Variants in SPOCK3 observed in about 807,000 individuals in gnomAD.
SPOCK3 encodes SPARC (osteonectin), cwcv and kazal like domains proteoglycan 3, also known as testican-3.
In SPOCK3, 30 loss-of-function variants were observed where a neutral mutation model predicts 56.6. The ratio of observed to expected loss-of-function variants is 0.53; its 90% CI spans 0.40 to 0.72. The LOEUF is 0.72. Ranked by LOEUF, SPOCK3 falls within the 30% of genes least tolerant of loss-of-function variation. SPOCK3 has a pLI of 0.00. For synonymous variants in SPOCK3, 196 were observed against 183.3 expected (o/e 1.07, Z -0.56); for missense variants, 527 against 530.0 (o/e 0.99, Z 0.06).
intron 4 of SPOCK3, among the ~76,000 whole-genome samples, chr4:166,965,439 T>C (rs1303982511): frequency 1.2e-4 from 18 of 151,856 alleles, no homozygotes; most frequent in Admixed American, 9.8e-4. Flanking sequence ...TTCTTCAATT[T>C]TGAAAGTTAA....
At chr4:166,835,843 T>TA (rs933235914) in intron 6 of SPOCK3, among the ~76,000 whole-genome samples, 8 of 151,966 alleles carry the variant, frequency 5.3e-5, no homozygotes, top group Non-Finnish European at 8.8e-5. Flanking sequence ...CCACTAAAAA[T>TA]AAAAAAATTA....
chr4:167,016,372 C>T (rs1750614302), intron 3 of SPOCK3, among the ~76,000 whole-genome samples: 1 of 151,968 alleles, frequency 6.6e-6, no homozygotes, highest in South Asian at 2.1e-4. Flanking sequence ...GGATAAAATG[C>T]TGCTATATAT....
At chr4:167,123,028 C>A (rs980150982) in intron 2 of SPOCK3, among the ~76,000 whole-genome samples, 17 of 151,324 alleles carry the variant, frequency 1.1e-4, no homozygotes, top group South Asian at 4.2e-4. Context: ...ACGTCATGTC[C>A]TCAGTAACAC....
At chr4:167,123,413 A>G (rs1285292534) in intron 2 of SPOCK3, among the ~76,000 whole-genome samples, 1 of 152,204 alleles carries the variant, frequency 6.6e-6, no homozygotes, top group Admixed American at 6.5e-5. Flanking sequence ...TGGGCTGTCC[A>G]GACTAGGCAC....
chr4:167,183,904 T>C (rs879473586), intron 2 of SPOCK3, among the ~76,000 whole-genome samples: 3 of 152,144 alleles, frequency 2.0e-5, no homozygotes, highest in Non-Finnish European at 4.4e-5. Flanking sequence ...ACATAGAAAC[T>C]TTTATTAGAG....
At chr4:167,065,062 T>TAAAAAAAAAAAAAAAAAAAAAA (rs74281519) in intron 2 of SPOCK3, among the ~76,000 whole-genome samples, 4 of 56,868 alleles carry the variant, frequency 7.0e-5, no homozygotes, top group Non-Finnish European at 1.0e-4. Context: ...AAAAAAAAAG[T>TAAAAAAAAAAAAAAAAAAAAAA]CAAACGCAGC....
intron 2 of SPOCK3, among the ~76,000 whole-genome samples, chr4:167,099,219 T>C (rs192035305): frequency 6.6e-6 from 1 of 152,088 alleles, no homozygotes; most frequent in Admixed American, 6.6e-5. Flanking sequence ...ATTAAAAGCA[T>C]AAAACTGCAA....
intron 5 of SPOCK3, among the ~76,000 whole-genome samples, chr4:166,895,598 G>A (rs1735293717): frequency 6.6e-6 from 1 of 152,154 alleles, no homozygotes; most frequent in African/African-American, 2.4e-5. Flanking sequence ...ACATTTCAAT[G>A]TCTATGTGGT....
chr4:166,870,227 T>A (rs916104386), intron 6 of SPOCK3, among the ~76,000 whole-genome samples: 5 of 152,100 alleles, frequency 3.3e-5, no homozygotes, highest in African/African-American at 1.2e-4. Context: ...ATCAGCTTAG[T>A]TGGAACCAAA....
chr4:167,164,873 T>C (rs748214579), intron 2 of SPOCK3, among the ~76,000 whole-genome samples: 4 of 152,154 alleles, frequency 2.6e-5, no homozygotes, highest in Non-Finnish European at 5.9e-5. Flanking sequence ...AAATCTTTTC[T>C]GGTGTAAATA....
chr4:166,824,905 TG>T (rs1472382793), intron 6 of SPOCK3, among the ~76,000 whole-genome samples: 1 of 151,920 alleles, frequency 6.6e-6, no homozygotes. Context: ...GTATTGCCAG[TG>T]GGGAAAAAAG....
At chr4:166,947,079 T>TC (rs1331608260) in intron 4 of SPOCK3, among the ~76,000 whole-genome samples, 3 of 151,262 alleles carry the variant, frequency 2.0e-5, no homozygotes, top group Non-Finnish European at 4.4e-5. Flanking sequence ...TTAGGCACTA[T>TC]TTTTTTTTAA....
chr4:167,160,054 G>A (rs1259859230), intron 2 of SPOCK3, among the ~76,000 whole-genome samples: 4 of 152,128 alleles, frequency 2.6e-5, no homozygotes, highest in Non-Finnish European at 5.9e-5. Context: ...AATTAGGCAG[G>A]AGAAGGAAAT....
chr4:167,228,051 T>G (rs76260352), intron 2 of SPOCK3, among the ~76,000 whole-genome samples: 1,679 of 152,002 alleles, frequency 0.011, 27 homozygotes, highest in African/African-American at 0.032. Context: ...AGAAAAGAAA[T>G]AAATAAAGAA....
intron 6 of SPOCK3, among the ~76,000 whole-genome samples, chr4:166,875,100 C>T (rs905278868): frequency 6.6e-6 from 1 of 151,924 alleles, no homozygotes; most frequent in African/African-American, 2.4e-5. Flanking sequence ...GTCATATTTA[C>T]AATATGTAAA....
At chr4:166,952,970 C>T (rs1419560759) in intron 4 of SPOCK3, among the ~76,000 whole-genome samples, 1 of 150,914 alleles carries the variant, frequency 6.6e-6, no homozygotes, top group African/African-American at 2.5e-5. Context: ...AGACCTAAAA[C>T]CATAAAAACC....
chr4:167,221,090 T>C (rs1489044890), intron 2 of SPOCK3, among the ~76,000 whole-genome samples: 3 of 151,962 alleles, frequency 2.0e-5, no homozygotes, highest in Non-Finnish European at 2.9e-5. Flanking sequence ...CCAGGCACAA[T>C]GTGACACACC....
intron 3 of SPOCK3, among the ~76,000 whole-genome samples, chr4:167,042,818 G>A (rs1032194692): frequency 1.8e-4 from 27 of 152,066 alleles, no homozygotes; most frequent in African/African-American, 6.3e-4. Flanking sequence ...TGCTTTATAA[G>A]GGCTTTAGGT....
chr4:167,130,585 A>C (rs927248856), intron 2 of SPOCK3, among the ~76,000 whole-genome samples: 23 of 152,270 alleles, frequency 1.5e-4, no homozygotes, highest in African/African-American at 5.5e-4. Flanking sequence ...ACTTAATATA[A>C]ACATCTTTCC....
Sources: gnomAD v4.1 joint callset for allele counts (sites outside exome capture counted in the v4.1 genomes callset) on GRCh38, gnomAD v4.1.1 for gene constraint, MANE v1.5 for transcripts, NCBI Gene and HGNC (gene_info 2026-07-23, HGNC 2026-07-21) for gene names.